TSHZ2: variants seen among roughly 807,000 people sequenced by gnomAD.
TSHZ2 encodes teashirt homolog 2.
Under a neutral mutation model 74.4 loss-of-function variants are expected in TSHZ2, and 21 were observed. The observed-to-expected ratio is 0.28, with a 90% CI of 0.20 to 0.41. The LOEUF is 0.41. TSHZ2 is among the 10% of genes least tolerant of loss of function. The pLI is 1.00. For missense variants in TSHZ2, 1,244 were observed against 1,293.5 expected (o/e 0.96, Z 0.59); for synonymous variants, 540 against 515.3 (o/e 1.05, Z -0.65).
At chr20:53,310,569 TTGAC>T (rs1978738569) in intron 2 of TSHZ2, among the ~76,000 whole-genome samples, 1 of 152,204 alleles carries the variant, frequency 6.6e-6, no homozygotes, top group South Asian at 2.1e-4. Flanking sequence ...CATCAGAGGT[TTGAC>T]TGGGGAAAGA....
chr20:53,274,386 C>G (rs1990900011), intron 2 of TSHZ2, among the ~76,000 whole-genome samples: 5 of 152,234 alleles, frequency 3.3e-5, no homozygotes, highest in Admixed American at 1.3e-4. Context: ...AATTTCATTC[C>G]TCTCTCCATT....
chr20:53,122,792 C>T lies in TSHZ2; in HGVS notation c.41-130707C>T, dbSNP rs150142997. On this transcript the variant is annotated intron_variant, in intron 1 of 2. Coordinates refer to ENST00000371497, the MANE Select transcript of TSHZ2 (RefSeq NM_173485.6). ...GGCTTCCATTCACTGTGCAGTTTCT[C>T]CTCCTCCCAGCCAAAGTGGACTCTC... Among the ~76,000 whole-genome samples, 747 of 152,330 alleles carry T rather than the reference C, an allele frequency of 4.9e-3. 1 individual carries two copies. The highest frequency in any genetic ancestry group is 0.01 in the Middle Eastern group (3 of 294).
intron 2 of TSHZ2, among the ~76,000 whole-genome samples, chr20:53,309,021 C>T (rs564667273): frequency 2.6e-5 from 4 of 152,316 alleles, no homozygotes; most frequent in Non-Finnish European, 5.9e-5. Context: ...AGGTTCTTCA[C>T]ATGAAGGGAG....
At chr20:53,080,196 G>C (rs1985488061) in intron 1 of TSHZ2, among the ~76,000 whole-genome samples, 2 of 152,188 alleles carry the variant, frequency 1.3e-5, no homozygotes. Flanking sequence ...AAAGGCTCTA[G>C]AGAGAAATTG....
At chr20:53,018,846 G>T (rs4811416) in intron 1 of TSHZ2, among the ~76,000 whole-genome samples, 1,632 of 152,236 alleles carry the variant, frequency 0.011, 99 homozygotes, top group Admixed American at 0.09. Flanking sequence ...TGCTAAAAAC[G>T]TCTTGCCCAG....
At chr20:53,036,422 G>A (rs1281607766) in intron 1 of TSHZ2, among the ~76,000 whole-genome samples, 1 of 151,654 alleles carries the variant, frequency 6.6e-6, no homozygotes, top group Admixed American at 6.6e-5. Flanking sequence ...TAACGTGTAT[G>A]TATATGCACG....
intron 2 of TSHZ2, among the ~76,000 whole-genome samples, chr20:53,340,184 CT>C (rs557613827): frequency 2.1e-4 from 23 of 109,870 alleles, no homozygotes; most frequent in Admixed American, 6.6e-4. Flanking sequence ...TTTCTTTTTT[CT>C]TTTTTTTTTT....
intron 1 of TSHZ2, among the ~76,000 whole-genome samples, chr20:53,008,433 T>C (rs1410203106): frequency 6.6e-6 from 1 of 152,198 alleles, no homozygotes; most frequent in Non-Finnish European, 1.5e-5. Flanking sequence ...GAGGAGGCAT[T>C]TGATAGGCTT....
chr20:53,164,003 C>T (rs1393324416), intron 1 of TSHZ2, among the ~76,000 whole-genome samples: 1 of 152,122 alleles, frequency 6.6e-6, no homozygotes, highest in African/African-American at 2.4e-5. Context: ...GTTTATGTAA[C>T]ATCATCAAGT....
chr20:53,121,248 T>C lies in TSHZ2; in HGVS notation c.41-132251T>C, dbSNP rs185226424. Among the ~76,000 whole-genome samples, 96 of 152,292 alleles carry C rather than the reference T, an allele frequency of 6.3e-4. 1 individual carries two copies. The highest frequency in any genetic ancestry group is 2.3e-3 in the African/African-American group (95 of 41,562). On this transcript the variant is annotated intron_variant, in intron 1 of 2. Transcript: ENST00000371497. ...ATTTATGAAAACAATAGCTTCTGCC[T>C]CAAATTGTCTTCCTTTAGAACTCAT... is the stretch of plus-strand genomic sequence containing the variant.
At chr20:53,448,532 C>T (rs1268455337) in intron 2 of TSHZ2, among the ~76,000 whole-genome samples, 31 of 152,090 alleles carry the variant, frequency 2.0e-4, no homozygotes, top group Admixed American at 1.9e-3. Flanking sequence ...TTCTGTGTTT[C>T]CTCAAAATAA....
At chr20:53,216,690 CTGATT>C (rs1263629205) in intron 1 of TSHZ2, among the ~76,000 whole-genome samples, 2 of 152,226 alleles carry the variant, frequency 1.3e-5, no homozygotes, top group Non-Finnish European at 2.9e-5. Flanking sequence ...GTGTCACTCT[CTGATT>C]TGTCACCTGG....
chr20:53,131,990 C>G (rs1444469304), intron 1 of TSHZ2, among the ~76,000 whole-genome samples: 1 of 151,964 alleles, frequency 6.6e-6, no homozygotes, highest in African/African-American at 2.4e-5. Flanking sequence ...GGGAAAGAGA[C>G]AGGAAGAGAG....
intron 1 of TSHZ2, among the ~76,000 whole-genome samples, chr20:53,050,156 C>CATACATATATATATATATACACAT (rs1984402319): frequency 7.9e-6 from 1 of 126,618 alleles, no homozygotes. Context: ...TATATATACA[C>CATACATATATATATATATACACAT]ATATATATGT....
intron 2 of TSHZ2, among the ~76,000 whole-genome samples, chr20:53,271,346 A>G (rs1479275624): frequency 1.3e-5 from 2 of 152,212 alleles, no homozygotes; most frequent in East Asian, 1.9e-4. Flanking sequence ...CTGAGCTCAC[A>G]TACTGTTATA....
intron 2 of TSHZ2, among the ~76,000 whole-genome samples, chr20:53,438,034 A>G (rs1984157559): frequency 6.6e-6 from 1 of 151,858 alleles, no homozygotes; most frequent in Non-Finnish European, 1.5e-5. Context: ...CCTTATAGCA[A>G]CGCAAAACAG....
intron 1 of TSHZ2, 148 bp downstream of exon 1, chr20:52,973,481 G>T (rs920088350): frequency 7.7e-6 from 8 of 1,044,288 alleles, no homozygotes; most frequent in South Asian, 1.7e-5. Flanking sequence ...GTCCTCTCTC[G>T]CCTTCTCTGG....
At chr20:53,428,792 A>C (rs1344282591) in intron 2 of TSHZ2, among the ~76,000 whole-genome samples, 1 of 152,190 alleles carries the variant, frequency 6.6e-6, no homozygotes, top group East Asian at 1.9e-4. Flanking sequence ...GAGCCGTCTC[A>C]TTCCTGGAAT....
At chr20:53,362,486 C>G (rs1981106178) in intron 2 of TSHZ2, among the ~76,000 whole-genome samples, 1 of 152,168 alleles carries the variant, frequency 6.6e-6, no homozygotes, top group Non-Finnish European at 1.5e-5. Context: ...GCCCGGCCCA[C>G]ACAGTTTTTA....
Sources: allele counts gnomAD v4.1 joint callset (sites outside exome capture counted in the v4.1 genomes callset), GRCh38; gene constraint gnomAD v4.1.1; transcripts MANE v1.5; gene names NCBI Gene and HGNC (gene_info 2026-07-23, HGNC 2026-07-21).